Variants in CNTN5 observed in about 807,000 individuals in gnomAD.
CNTN5 encodes contactin 5.
A neutral mutation model predicts 129.1 loss-of-function variants in CNTN5; 77 were observed. That is an observed-to-expected ratio of 0.60 (90% confidence interval 0.50 to 0.72). The LOEUF (loss-of-function observed/expected upper bound fraction) is 0.72. Among genes scored for constraint, CNTN5 ranks in the 30% least tolerant of loss-of-function variants. The probability of loss-of-function intolerance (pLI) is 0.00; values close to 1 mark genes in which losing one functional copy is unlikely to be tolerated. For synonymous variants in CNTN5, 509 were observed against 465.6 expected (o/e 1.09, Z -1.20); for missense variants, 1,478 against 1,328.8 (o/e 1.11, Z -1.75).
chr11:100,210,813 T>A (rs1949015257), intron 15 of CNTN5, among the ~76,000 whole-genome samples: 1 of 152,120 alleles, frequency 6.6e-6, no homozygotes, highest in Non-Finnish European at 1.5e-5. Context: ...ATAATCTCAA[T>A]ACATAAAATC....
At chr11:99,586,664 C>A (rs1047921572) in intron 3 of CNTN5, among the ~76,000 whole-genome samples, 1 of 152,132 alleles carries the variant, frequency 6.6e-6, no homozygotes, top group Non-Finnish European at 1.5e-5. Flanking sequence ...AGGGAAGATA[C>A]TATACCCTAT....
Position 100,025,703 on chromosome 11 carries a change from G to A in CNTN5, c.980+23567G>A, listed in dbSNP as rs370707890. Among the ~76,000 whole-genome samples the A allele has an allele frequency of 2.6e-5, 4 of 152,214 alleles. No individual in the cohort carries two copies. The East Asian group carries it at 7.7e-4, about 29-fold the overall frequency. ...GGAAGTGAGATACAGAGTCAAAGGAGATCATTTCAGAGCTTTAAGATTTGA... is the reference window on the plus strand; with the variant it reads ...GGAAGTGAGATACAGAGTCAAAGGAAATCATTTCAGAGCTTTAAGATTTGA... On this transcript the variant is annotated intron_variant, in intron 9 of 24. Coordinates refer to ENST00000524871, the MANE Select transcript of CNTN5 (RefSeq NM_014361.4).
chr11:99,426,647 C>T (rs193042130), intron 2 of CNTN5, among the ~76,000 whole-genome samples: 51 of 152,212 alleles, frequency 3.4e-4, no homozygotes, highest in South Asian at 8.3e-4. Context: ...TTTAATTTAT[C>T]GAAAAATACT....
At chr11:99,756,468 A>T (rs774347838) in intron 3 of CNTN5, among the ~76,000 whole-genome samples, 1 of 152,158 alleles carries the variant, frequency 6.6e-6, no homozygotes, top group African/African-American at 2.4e-5. Flanking sequence ...AGTAAGAAGA[A>T]GTTTCAGGAA....
In CNTN5 at chr11:100,238,209, T is replaced by G. The variant is rs1026743418; in HGVS notation, c.2005+13397T>G. ...GGTTTAGTCTATTGCTGATACTTAC[T>G]TAGTAAATATTAGTTGAATTTCAGT... On this transcript the variant is annotated intron_variant, in intron 16 of 24. Transcript: ENST00000524871. Among the ~76,000 whole-genome samples the G allele has an allele frequency of 1.0e-3, 156 of 152,068 alleles. 1 individual carries two copies. Among genetic ancestry groups the G allele is most frequent in the Admixed American group, 1.2e-3 (18 of 15,258 alleles).
intron 3 of CNTN5, among the ~76,000 whole-genome samples, chr11:99,701,501 T>G (rs1954518344): frequency 6.6e-6 from 1 of 151,066 alleles, no homozygotes; most frequent in Non-Finnish European, 1.5e-5. Flanking sequence ...GATATAAATA[T>G]TAGATATATT....
chr11:99,664,758 A>G (rs771724648), intron 3 of CNTN5, among the ~76,000 whole-genome samples: 3 of 152,166 alleles, frequency 2.0e-5, no homozygotes, highest in Admixed American at 6.5e-5. Flanking sequence ...GAGATGCCAC[A>G]TTTTTTCCAT....
intron 3 of CNTN5, among the ~76,000 whole-genome samples, chr11:99,775,580 C>A (rs1222082436): frequency 6.6e-6 from 1 of 151,938 alleles, no homozygotes; most frequent in African/African-American, 2.4e-5. Context: ...GAAAAATAAT[C>A]TAAAACTATT....
chr11:99,433,405 TTGTG>T (rs3990851), intron 2 of CNTN5, among the ~76,000 whole-genome samples: 47 of 148,142 alleles, frequency 3.2e-4, no homozygotes, highest in Middle Eastern at 3.4e-3. Context: ...GTGTGTGTCT[TTGTG>T]TGTGTGTGTG....
At chr11:99,581,909 G>T (rs1211322133) in intron 3 of CNTN5, among the ~76,000 whole-genome samples, 16 of 152,206 alleles carry the variant, frequency 1.1e-4, no homozygotes, top group South Asian at 8.3e-4. Flanking sequence ...TGATGCAGTT[G>T]CTTCCTAGCC....
intron 9 of CNTN5, among the ~76,000 whole-genome samples, chr11:100,029,304 C>T (rs560646385): frequency 5.3e-5 from 8 of 152,230 alleles, no homozygotes; most frequent in South Asian, 4.1e-4. Flanking sequence ...GCTAATTGGC[C>T]GGGCGCGGTG....
intron 3 of CNTN5, among the ~76,000 whole-genome samples, chr11:99,671,898 TCA>T (rs1236866551): frequency 6.6e-6 from 1 of 152,140 alleles, no homozygotes; most frequent in Non-Finnish European, 1.5e-5. Flanking sequence ...ACATAATAAT[TCA>T]CACACTCACA....
At chr11:100,038,275 G>GT (rs1309979817) in intron 9 of CNTN5, among the ~76,000 whole-genome samples, 1 of 152,124 alleles carries the variant, frequency 6.6e-6, no homozygotes, top group East Asian at 1.9e-4. Context: ...TAGTTGAGCG[G>GT]TTTTGAGTGA....
intron 3 of CNTN5, among the ~76,000 whole-genome samples, chr11:99,575,787 G>A (rs908521442): frequency 6.6e-6 from 1 of 152,152 alleles, no homozygotes; most frequent in Non-Finnish European, 1.5e-5. Flanking sequence ...ACAGGAGGAG[G>A]TGACTTCAGA....
chr11:99,974,571 A>C (rs1408340782), intron 8 of CNTN5, among the ~76,000 whole-genome samples: 1 of 152,158 alleles, frequency 6.6e-6, no homozygotes, highest in African/African-American at 2.4e-5. Context: ...TATTCTTCTC[A>C]CTTCTGCAAG....
chr11:99,193,008 T>G (rs192088065), intron 1 of CNTN5, among the ~76,000 whole-genome samples: 1 of 152,206 alleles, frequency 6.6e-6, no homozygotes, highest in African/African-American at 2.4e-5. Flanking sequence ...GATAATCTCA[T>G]TATGAAGGTT....
At chr11:100,204,341 T>A (rs1458253881) in intron 15 of CNTN5, among the ~76,000 whole-genome samples, 1 of 113,192 alleles carries the variant, frequency 8.8e-6, no homozygotes, top group East Asian at 2.7e-4. Context: ...TATATATATA[T>A]ATAATTATAG....
chr11:99,220,751 G>C (rs1238396083), intron 1 of CNTN5, among the ~76,000 whole-genome samples: 4 of 151,840 alleles, frequency 2.6e-5, no homozygotes, highest in Non-Finnish European at 5.9e-5. Flanking sequence ...TAATGCTTTG[G>C]AGACACTACA....
chr11:100,342,111 A>G (rs1053554095), intron 23 of CNTN5, among the ~76,000 whole-genome samples: 6 of 151,062 alleles, frequency 4.0e-5, no homozygotes, highest in Non-Finnish European at 2.9e-5. Flanking sequence ...TATATTACAC[A>G]AACTAGCATT....
Sources: gnomAD v4.1 joint callset for allele counts (sites outside exome capture counted in the v4.1 genomes callset) on GRCh38, gnomAD v4.1.1 for gene constraint, MANE v1.5 for transcripts, NCBI Gene and HGNC (gene_info 2026-07-23, HGNC 2026-07-21) for gene names.